The following SPMAP2L variants were observed in gnomAD, a reference collection of about 807,000 sequenced individuals.
SPMAP2L encodes the protein sperm microtubule associated protein 2-like.
chr4:56,564,200 G>A, the SPMAP2L span, among the ~76,000 whole-genome samples: 1 of 148,534 alleles, frequency 6.7e-6, no homozygotes, highest in South Asian at 2.1e-4. Flanking sequence ...GTGGCATGAT[G>A]TCTGCTCACT....
the SPMAP2L span, among the ~76,000 whole-genome samples, chr4:56,547,577 ATCC>A: frequency 6.6e-6 from 1 of 152,118 alleles, no homozygotes; most frequent in Non-Finnish European, 1.5e-5. Flanking sequence ...AGACCTATTA[ATCC>A]TCCTATCTGA....
At chr4:56,535,477 C>T in the SPMAP2L span, among the ~76,000 whole-genome samples, 1 of 152,044 alleles carries the variant, frequency 6.6e-6, no homozygotes, top group Non-Finnish European at 1.5e-5. Flanking sequence ...TGCATGCAGC[C>T]CCCAGTGACG....
At chr4:56,531,863 T>C in the SPMAP2L span, among the ~76,000 whole-genome samples, 1 of 152,206 alleles carries the variant, frequency 6.6e-6, no homozygotes, top group Admixed American at 6.5e-5. Flanking sequence ...AATTTTTATC[T>C]TATGTTCTCA....
chr4:56,601,014 T>A, the SPMAP2L span: 1 of 1,535,416 alleles, frequency 6.5e-7, no homozygotes, highest in Non-Finnish European at 8.7e-7. Flanking sequence ...ATCAAGATTA[T>A]CTACCTGACC....
At chr4:56,608,319 C>T in the SPMAP2L span, among the ~76,000 whole-genome samples, 1 of 152,072 alleles carries the variant, frequency 6.6e-6, no homozygotes, top group Non-Finnish European at 1.5e-5. Context: ...TCAGCCTTGT[C>T]AAGTTGTAAA....
At chr4:56,599,290 C>G in the SPMAP2L span, among the ~76,000 whole-genome samples, 2 of 152,032 alleles carry the variant, frequency 1.3e-5, no homozygotes, top group Non-Finnish European at 2.9e-5. Flanking sequence ...CTCAAGTGAT[C>G]CTCCCACTTC....
the SPMAP2L span, among the ~76,000 whole-genome samples, chr4:56,591,184 G>A: frequency 6.6e-6 from 1 of 152,150 alleles, no homozygotes; most frequent in Admixed American, 6.5e-5. Context: ...GTGATAGTGA[G>A]TGAGTTCTCA....
the SPMAP2L span, among the ~76,000 whole-genome samples, chr4:56,548,994 T>TTC: frequency 4.0e-5 from 6 of 149,414 alleles, no homozygotes; most frequent in African/African-American, 1.5e-4. Flanking sequence ...TTTCTTTCTT[T>TTC]TTTTTTTTTT....
the SPMAP2L span, among the ~76,000 whole-genome samples, chr4:56,532,882 G>A: frequency 6.6e-6 from 1 of 152,098 alleles, no homozygotes; most frequent in Non-Finnish European, 1.5e-5. Context: ...ATTGTTAACT[G>A]CTCTACCATT....
chr4:56,566,701 T>C, the SPMAP2L span, among the ~76,000 whole-genome samples: 7,922 of 131,500 alleles, frequency 0.06, 217 homozygotes, highest in Non-Finnish European at 0.098. Flanking sequence ...TTTTCTTTTT[T>C]TTTTTTTTTT....
chr4:56,542,185 T>TA, the SPMAP2L span, among the ~76,000 whole-genome samples: 1 of 152,246 alleles, frequency 6.6e-6, no homozygotes, highest in Admixed American at 6.5e-5. Flanking sequence ...AACCCTTCCT[T>TA]ACTGGAGAAG....
chr4:56,556,669 T>C, the SPMAP2L span, among the ~76,000 whole-genome samples: 2 of 152,138 alleles, frequency 1.3e-5, no homozygotes, highest in Non-Finnish European at 2.9e-5. Context: ...GGTCAAGAGT[T>C]CGAGACAGCC....
At chr4:56,601,959 G>T in the SPMAP2L span, among the ~76,000 whole-genome samples, 1 of 152,168 alleles carries the variant, frequency 6.6e-6, no homozygotes, top group Non-Finnish European at 1.5e-5. Context: ...TCTCAGAAGG[G>T]TATACAAGAA....
chr4:56,574,564 A>G, the SPMAP2L span, among the ~76,000 whole-genome samples: 1 of 152,368 alleles, frequency 6.6e-6, no homozygotes, highest in East Asian at 1.9e-4. Context: ...CAAAGTATCA[A>G]TATAATTCAC....
the SPMAP2L span, among the ~76,000 whole-genome samples, chr4:56,545,312 A>G: frequency 1.3e-5 from 2 of 152,226 alleles, no homozygotes; most frequent in African/African-American, 2.4e-5. Context: ...AAAAACAGAC[A>G]TATCCTATTG....
chr4:56,625,189 C>T, the SPMAP2L span, among the ~76,000 whole-genome samples: 1 of 152,166 alleles, frequency 6.6e-6, no homozygotes, highest in Non-Finnish European at 1.5e-5. Flanking sequence ...GGGCCTGCTA[C>T]CCCTTTGGTT....
the SPMAP2L span, among the ~76,000 whole-genome samples, chr4:56,548,119 T>C: frequency 1.3e-5 from 2 of 152,218 alleles, no homozygotes; most frequent in Non-Finnish European, 2.9e-5. Flanking sequence ...ACTCATTTCA[T>C]CTTACCCTTC....
the SPMAP2L span, among the ~76,000 whole-genome samples, chr4:56,623,211 A>G: frequency 1.3e-5 from 2 of 152,128 alleles, no homozygotes; most frequent in Non-Finnish European, 2.9e-5. Context: ...AAAGCCAGGC[A>G]TGATCCTTTC....
the SPMAP2L span, among the ~76,000 whole-genome samples, chr4:56,570,966 G>A: frequency 1.3e-5 from 2 of 151,642 alleles, no homozygotes; most frequent in Non-Finnish European, 2.9e-5. Flanking sequence ...ACCACACCCC[G>A]TTAACTTTTG....
Sources: allele counts gnomAD v4.1 joint callset (sites outside exome capture counted in the v4.1 genomes callset), GRCh38; gene constraint gnomAD v4.1.1; transcripts MANE v1.5; gene names NCBI Gene and HGNC (gene_info 2026-07-23, HGNC 2026-07-21).